The following PALM2AKAP2 variants were observed in gnomAD, a reference collection of about 807,000 sequenced individuals.
PALM2AKAP2 encodes the protein PALM2-AKAP2 fusion protein.
PALM2AKAP2 carries 37 observed loss-of-function variants against 71.5 expected under a neutral mutation model. The observed-to-expected ratio is 0.52, with a 90% CI of 0.40 to 0.68. The LOEUF is 0.68. Among genes scored for constraint, PALM2AKAP2 ranks in the 30% least tolerant of loss-of-function variants. The pLI is 0.00. For synonymous variants in PALM2AKAP2, 468 were observed against 478.8 expected (o/e 0.98, Z 0.29); for missense variants, 1,224 against 1,191.8 (o/e 1.03, Z -0.40).
In PALM2AKAP2 at chr9:109,932,403, A is replaced by T. The variant is rs569194210; in HGVS notation, c.496+375A>T. Among the ~76,000 whole-genome samples the T allele has an allele frequency of 2.6e-5, 4 of 152,346 alleles. No individual in the cohort carries two copies. In the East Asian group the frequency reaches 5.8e-4, roughly 22 times the overall value. ...GAGAGCCATCCATGATGGAAGCTGG[A>T]TGGGAAATATTTTCAAAGCCTGTGG... On this transcript the variant is annotated intron_variant, in intron 6 of 9. Transcript: ENST00000302798.
At chr9:109,745,258 A>G (rs1828780559) in intron 1 of PALM2AKAP2, among the ~76,000 whole-genome samples, 1 of 152,166 alleles carries the variant, frequency 6.6e-6, no homozygotes, top group South Asian at 2.1e-4. Context: ...AGGCTGAGGC[A>G]GGAGAATTGC....
At chr9:110,046,563 C>T (rs934948967), upstream of PALM2AKAP2, among the ~76,000 whole-genome samples, 6 of 149,990 alleles carry the variant, frequency 4.0e-5, no homozygotes, top group African/African-American at 9.8e-5. Flanking sequence ...CTGCCTCCCA[C>T]GTTCAAACAA....
chr9:109,961,594 T>C (rs1363317344), intron 6 of PALM2AKAP2, among the ~76,000 whole-genome samples: 1 of 152,224 alleles, frequency 6.6e-6, no homozygotes, highest in African/African-American at 2.4e-5. Context: ...AATGTTCAGT[T>C]GGGATGATGA....
At chr9:110,065,072 C>T (rs142856868) in intron 1 of PALM2AKAP2, among the ~76,000 whole-genome samples, 1 of 152,312 alleles carries the variant, frequency 6.6e-6, no homozygotes, top group African/African-American at 2.4e-5. Flanking sequence ...TTTGGTGTCA[C>T]ACCAGCCGGA....
intron 1 of PALM2AKAP2, among the ~76,000 whole-genome samples, chr9:110,053,355 G>T (rs1411676176): frequency 6.6e-6 from 1 of 151,812 alleles, no homozygotes; most frequent in East Asian, 1.9e-4. Flanking sequence ...GTGAAACCCT[G>T]CCTCTACTAA....
At chr9:110,096,332 T>C (rs1834834896) in intron 1 of PALM2AKAP2, among the ~76,000 whole-genome samples, 1 of 151,902 alleles carries the variant, frequency 6.6e-6, no homozygotes, top group Non-Finnish European at 1.5e-5. Context: ...AGCAGGTTCA[T>C]ATGTCACTGT....
intron 1 of PALM2AKAP2, among the ~76,000 whole-genome samples, chr9:109,758,922 T>C (rs1461443104): frequency 6.6e-6 from 1 of 152,124 alleles, no homozygotes; most frequent in Non-Finnish European, 1.5e-5. Flanking sequence ...AGCTTTCATT[T>C]GCCTTTCTCT....
intron 1 of PALM2AKAP2, among the ~76,000 whole-genome samples, chr9:109,805,478 G>A (rs1046196261): frequency 1.3e-5 from 2 of 152,176 alleles, no homozygotes; most frequent in Non-Finnish European, 2.9e-5. Context: ...GTGAAAAGCA[G>A]GATTTAAAAA....
chr9:109,785,766 A>G (rs760561739), intron 1 of PALM2AKAP2, among the ~76,000 whole-genome samples: 1 of 152,196 alleles, frequency 6.6e-6, no homozygotes, highest in South Asian at 2.1e-4. Flanking sequence ...TGGGAATTCA[A>G]GATGAGATTT....
At chr9:109,689,463 G>A (rs757606181) in intron 1 of PALM2AKAP2, among the ~76,000 whole-genome samples, 1 of 152,108 alleles carries the variant, frequency 6.6e-6, no homozygotes, top group African/African-American at 2.4e-5. Context: ...GCCACCCAAA[G>A]TGCTGGGATT....
At chr9:109,673,921 C>G (rs544213768) in intron 1 of PALM2AKAP2, among the ~76,000 whole-genome samples, 2 of 152,104 alleles carry the variant, frequency 1.3e-5, no homozygotes, top group South Asian at 4.1e-4. Context: ...GATTGCAACC[C>G]CTGCTTTTTT....
At chr9:109,751,287 G>A (rs1828883401) in intron 1 of PALM2AKAP2, among the ~76,000 whole-genome samples, 1 of 152,066 alleles carries the variant, frequency 6.6e-6, no homozygotes, top group Admixed American at 6.6e-5. Flanking sequence ...ATGTGCATTC[G>A]TTCTTGAAAC....
At chr9:110,098,708 C>T (rs767529582) in intron 1 of PALM2AKAP2, among the ~76,000 whole-genome samples, 2 of 152,168 alleles carry the variant, frequency 1.3e-5, no homozygotes, top group Non-Finnish European at 2.9e-5. Flanking sequence ...AGATTGGAAA[C>T]TAAAGTCACT....
intron 1 of PALM2AKAP2, among the ~76,000 whole-genome samples, chr9:110,064,584 C>G (rs1373205984): frequency 6.6e-6 from 1 of 152,224 alleles, no homozygotes; most frequent in East Asian, 1.9e-4. Context: ...AGCCACAGGA[C>G]TGTGATTTGA....
At position 110,088,885 on chromosome 9, in the gene PALM2AKAP2, A is replaced by G. The variant is rs540103264; in HGVS notation, c.156+40030A>G. Among the ~76,000 whole-genome samples, 38 of 151,854 alleles carry G rather than the reference A, an allele frequency of 2.5e-4. No homozygotes were observed. In the South Asian group the frequency reaches 7.8e-3, roughly 31 times the overall value. On this transcript the variant is annotated intron_variant, in intron 1 of 3. Transcript: ENST00000374525. ...CAGCTTCAAGCCACCACGCCCAGCTAATTTTTGTATTTTTAGTAGAGCTAG... is the reference window on the plus strand; with the variant it reads ...CAGCTTCAAGCCACCACGCCCAGCTGATTTTTGTATTTTTAGTAGAGCTAG...
intron 5 of PALM2AKAP2, among the ~76,000 whole-genome samples, chr9:109,931,243 C>T (rs1054669596): frequency 7.9e-5 from 12 of 152,194 alleles, no homozygotes; most frequent in Admixed American, 7.9e-4. Context: ...GAGGTATTTG[C>T]CCAAGCAAAT....
At chr9:109,716,268 A>G (rs1828317767) in intron 1 of PALM2AKAP2, among the ~76,000 whole-genome samples, 1 of 152,230 alleles carries the variant, frequency 6.6e-6, no homozygotes, top group Non-Finnish European at 1.5e-5. Context: ...TTGAGGGTCA[A>G]AATTACATGA....
At chr9:109,943,180 G>GGCTAT in intron 6 of PALM2AKAP2, 1 of 1,614,234 alleles carries the variant, frequency 6.2e-7, no homozygotes, top group Non-Finnish European at 8.5e-7. Context: ...AAAGGTGCTA[G>GGCTAT]GCTATGATGA....
intron 1 of PALM2AKAP2, among the ~76,000 whole-genome samples, chr9:109,680,997 A>G (rs1375094031): frequency 6.6e-6 from 1 of 152,242 alleles, no homozygotes; most frequent in Non-Finnish European, 1.5e-5. Flanking sequence ...AGTAAGTATA[A>G]GGAAAATGGA....
Sources: gnomAD v4.1 joint callset for allele counts (sites outside exome capture counted in the v4.1 genomes callset) on GRCh38, gnomAD v4.1.1 for gene constraint, MANE v1.5 for transcripts, NCBI Gene and HGNC (gene_info 2026-07-23, HGNC 2026-07-21) for gene names.